RBM39: variants seen among roughly 807,000 people sequenced by gnomAD.
RBM39 encodes RNA-binding protein 39.
A neutral mutation model predicts 79.6 loss-of-function variants in RBM39; 12 were observed. The ratio of observed to expected loss-of-function variants is 0.15; its 90% CI spans 0.10 to 0.24. The LOEUF (loss-of-function observed/expected upper bound fraction) is 0.24. Ranked by LOEUF, RBM39 falls within the 10% of genes least tolerant of loss-of-function variation. The pLI is 1.00. For missense variants in RBM39, 243 were observed against 653.4 expected (o/e 0.37, Z 6.85); for synonymous variants, 185 against 208.4 (o/e 0.89, Z 0.97).
At chr20:35,724,940 A>G (rs1000547047) in intron 7 of RBM39, 98 bp downstream of exon 7, 1 of 1,042,074 alleles carries the variant, frequency 9.6e-7, no homozygotes, top group Non-Finnish European at 1.4e-6. Context: ...CATTACCACA[A>G]ACAAATACTG....
intron 12 of RBM39, among the ~76,000 whole-genome samples, chr20:35,709,486 C>G (rs1285079207): frequency 2.0e-5 from 3 of 152,026 alleles, no homozygotes; most frequent in African/African-American, 7.3e-5. Flanking sequence ...CTCTCTCTTC[C>G]TAGACTAGAC....
chr20:35,718,473 C>A (rs1207139245), intron 9 of RBM39, among the ~76,000 whole-genome samples: 3 of 151,894 alleles, frequency 2.0e-5, no homozygotes, highest in Non-Finnish European at 4.4e-5. Flanking sequence ...CTCAGGAGTT[C>A]GAGACCAGCC....
intron 8 of RBM39, among the ~76,000 whole-genome samples, chr20:35,722,705 G>A (rs375128869): frequency 7.9e-5 from 12 of 151,584 alleles, no homozygotes; most frequent in South Asian, 2.1e-4. Flanking sequence ...AGGCCGAGGC[G>A]GACGGATCAC....
intron 3 of RBM39, among the ~76,000 whole-genome samples, chr20:35,738,266 T>G (rs2040185570): frequency 6.6e-6 from 1 of 151,848 alleles, no homozygotes; most frequent in Non-Finnish European, 1.5e-5. Context: ...AGACTCCGAC[T>G]CACAAGAAAA....
intron 13 of RBM39, chr20:35,707,707 AAAAT>A: frequency 9.0e-6 from 2 of 223,232 alleles, no homozygotes; most frequent in South Asian, 4.6e-5. Flanking sequence ...ATGTCCTAGA[AAAAT>A]AAATCCTATT....
intron 4 of RBM39, among the ~76,000 whole-genome samples, chr20:35,730,414 C>T (rs1279804433): frequency 2.6e-5 from 4 of 152,152 alleles, no homozygotes; most frequent in Non-Finnish European, 5.9e-5. Flanking sequence ...TTTTCATGAA[C>T]ACCATGCCTA....
intron 8 of RBM39, 114 bp from the exon 9 acceptor site, chr20:35,721,991 A>C: frequency 8.1e-7 from 1 of 1,228,236 alleles, no homozygotes. Context: ...ATACTACCCT[A>C]CGTAAGTCAG....
chr20:35,731,672 T>C (rs1425883044), intron 4 of RBM39: 1 of 468,338 alleles, frequency 2.1e-6, no homozygotes, highest in African/African-American at 1.9e-5. Context: ...AGTGCTTTCA[T>C]CCAGTTTGCG....
At chr20:35,722,749 C>A (rs1359496718) in intron 8 of RBM39, among the ~76,000 whole-genome samples, 2 of 151,594 alleles carry the variant, frequency 1.3e-5, no homozygotes, top group African/African-American at 4.8e-5. Flanking sequence ...CTGGTTAACA[C>A]AGTGAAACCC....
intron 9 of RBM39, among the ~76,000 whole-genome samples, chr20:35,721,244 G>T (rs1008860423): frequency 6.6e-6 from 1 of 152,060 alleles, no homozygotes; most frequent in African/African-American, 2.4e-5. Flanking sequence ...CAACAGAAAA[G>T]AATCTTAAGA....
At chr20:35,730,626 T>A (rs80138323) in intron 4 of RBM39, among the ~76,000 whole-genome samples, 1,539 of 152,130 alleles carry the variant, frequency 0.01, 13 homozygotes, top group African/African-American at 0.035. Context: ...ACTAAGTAAT[T>A]TTTTATTAAA....
At chr20:35,721,244 G>C (rs1008860423) in intron 9 of RBM39, among the ~76,000 whole-genome samples, 3 of 152,060 alleles carry the variant, frequency 2.0e-5, no homozygotes, top group African/African-American at 7.2e-5. Context: ...CAACAGAAAA[G>C]AATCTTAAGA....
chr20:35,712,435 C>CAAAAAA (rs765974114), intron 12 of RBM39, among the ~76,000 whole-genome samples: 1 of 32,824 alleles, frequency 3.0e-5, no homozygotes, highest in Non-Finnish European at 5.9e-5. Flanking sequence ...TACTGTTATC[C>CAAAAAA]AAAAAAAAAA....
intron 15 of RBM39, 121 bp from the exon 16 acceptor site, chr20:35,704,867 A>G: frequency 1.3e-6 from 1 of 768,392 alleles, no homozygotes; most frequent in Non-Finnish European, 2.1e-6. Context: ...GTTTACCATA[A>G]TGGTTCCACT....
chr20:35,704,606 G>A, intron 16 of RBM39, 25 bp from the exon 17 acceptor site: 1 of 1,609,872 alleles, frequency 6.2e-7, no homozygotes, highest in Non-Finnish European at 8.5e-7. Flanking sequence ...AGACATGTTG[G>A]GTTTAGCATC....
intron 14 of RBM39, 23 bp from the exon 15 acceptor site, chr20:35,705,353 C>T (rs982000572): frequency 7.8e-7 from 1 of 1,274,106 alleles, no homozygotes; most frequent in Non-Finnish European, 1.1e-6. Flanking sequence ...ATTAAGGACT[C>T]TTAAATACTA....
intron 9 of RBM39, among the ~76,000 whole-genome samples, chr20:35,718,813 CAAAAAAA>C (rs555136304): frequency 1.1e-4 from 4 of 37,880 alleles, no homozygotes; most frequent in African/African-American, 3.0e-4. Flanking sequence ...TACTCCATCT[CAAAAAAA>C]AAAAAAAAAA....
At chr20:35,733,966 GAA>G (rs2039646980) in intron 3 of RBM39, among the ~76,000 whole-genome samples, 1 of 152,176 alleles carries the variant, frequency 6.6e-6, no homozygotes, top group South Asian at 2.1e-4. Context: ...AATATAAATT[GAA>G]AGACATTTCA....
chr20:35,713,183 T>C (rs2036653419), intron 11 of RBM39, 87 bp from the exon 12 acceptor site: 2 of 1,162,724 alleles, frequency 1.7e-6, no homozygotes, highest in Admixed American at 4.4e-5. Context: ...ATCACTTCAC[T>C]AAAATAAATT....
Sources: gnomAD v4.1 joint callset for allele counts (sites outside exome capture counted in the v4.1 genomes callset) on GRCh38, gnomAD v4.1.1 for gene constraint, MANE v1.5 for transcripts, NCBI Gene and HGNC (gene_info 2026-07-23, HGNC 2026-07-21) for gene names.